Variants in NRG3 observed in about 807,000 individuals in gnomAD.
NRG3 encodes the protein pro-neuregulin-3, membrane-bound isoform.
A neutral mutation model predicts 66.9 loss-of-function variants in NRG3; 31 were observed. The observed-to-expected ratio is 0.46, with a 90% CI of 0.35 to 0.63. The LOEUF (loss-of-function observed/expected upper bound fraction) is 0.63, where lower values mean the gene tolerates loss of function less well. NRG3 is among the 20% of genes least tolerant of loss of function. The probability of loss-of-function intolerance (pLI) is 0.00; values close to 1 mark genes in which losing one functional copy is unlikely to be tolerated. For synonymous variants in NRG3, 393 were observed against 359.4 expected (o/e 1.09, Z -1.06); for missense variants, 910 against 878.9 (o/e 1.04, Z -0.45).
At chr10:82,344,514 C>A (rs1245726619) in intron 1 of NRG3, among the ~76,000 whole-genome samples, 1 of 146,652 alleles carries the variant, frequency 6.8e-6, no homozygotes, top group Non-Finnish European at 1.5e-5. Flanking sequence ...AATAATGCCG[C>A]AATAAACATA....
chr10:82,069,142 G>A (rs2064658433), intron 1 of NRG3, among the ~76,000 whole-genome samples: 1 of 152,176 alleles, frequency 6.6e-6, no homozygotes, highest in East Asian at 1.9e-4. Flanking sequence ...CACAGAGCAT[G>A]TCATTAAATA....
intron 2 of NRG3, among the ~76,000 whole-genome samples, chr10:82,502,834 C>A (rs981169575): frequency 6.6e-6 from 1 of 152,038 alleles, no homozygotes; most frequent in Admixed American, 6.6e-5. Context: ...ACTACTTTTC[C>A]CTAGGATTTC....
At chr10:82,329,147 G>T (rs7088954) in intron 1 of NRG3, among the ~76,000 whole-genome samples, 54,488 of 152,058 alleles carry the variant, frequency 0.36, 13,723 homozygotes, top group African/African-American at 0.7. Context: ...CTTTCCACTT[G>T]TACTGAGATA....
rs186437960 is a variant in NRG3 at position 81,956,569 on chromosome 10, C to T, written c.823+80406C>T. On this transcript the variant is annotated intron_variant, in intron 1 of 8. Transcript: ENST00000372141. Reference sequence around the variant, plus strand: ...CACACCCATATATCCTGTAACTGTACTTTCAAAATATAGCCTGCATGCTGA... The same window carrying T: ...CACACCCATATATCCTGTAACTGTATTTTCAAAATATAGCCTGCATGCTGA... 5.2e-3 allele frequency among the ~76,000 whole-genome samples: 796 copies of T among 152,276 alleles called. 8 individuals are homozygous for T. The highest frequency in any genetic ancestry group is 8.4e-3 in the Non-Finnish European group (568 of 68,006).
intron 2 of NRG3, among the ~76,000 whole-genome samples, chr10:82,620,602 G>C (rs776791248): frequency 1.3e-5 from 2 of 152,092 alleles, no homozygotes; most frequent in Non-Finnish European, 2.9e-5. Flanking sequence ...ACAGGATGTG[G>C]GGCAGAACAG....
At chr10:82,211,380 A>G (rs113508179) in intron 1 of NRG3, among the ~76,000 whole-genome samples, 3 of 152,274 alleles carry the variant, frequency 2.0e-5, no homozygotes, top group African/African-American at 7.2e-5. Context: ...CTGGGCAGGA[A>G]AATACAGGAA....
intron 2 of NRG3, among the ~76,000 whole-genome samples, chr10:82,555,749 C>T (rs2044607338): frequency 6.6e-6 from 1 of 152,176 alleles, no homozygotes; most frequent in African/African-American, 2.4e-5. Flanking sequence ...TCCCTTCTTT[C>T]TGTTGAAACA....
intron 1 of NRG3, among the ~76,000 whole-genome samples, chr10:82,358,080 A>G (rs999047560): frequency 1.3e-5 from 2 of 152,194 alleles, no homozygotes; most frequent in African/African-American, 4.8e-5. Context: ...CTTAATTTGA[A>G]AATGTAAGTA....
At chr10:82,895,098 A>G (rs1843523003) in intron 4 of NRG3, among the ~76,000 whole-genome samples, 1 of 152,176 alleles carries the variant, frequency 6.6e-6, no homozygotes, top group South Asian at 2.1e-4. Flanking sequence ...GCTGCATAGT[A>G]TTCCACGGTG....
chr10:82,203,272 G>T (rs1206684491), intron 1 of NRG3, among the ~76,000 whole-genome samples: 1 of 152,134 alleles, frequency 6.6e-6, no homozygotes, highest in Admixed American at 6.6e-5. Context: ...ATACTCATTG[G>T]AAATGAGTAT....
intron 1 of NRG3, among the ~76,000 whole-genome samples, chr10:82,055,584 A>G (rs2063807229): frequency 6.6e-6 from 1 of 152,116 alleles, no homozygotes; most frequent in Non-Finnish European, 1.5e-5. Context: ...AATTGGTGGT[A>G]ATTATTTAAT....
intron 1 of NRG3, among the ~76,000 whole-genome samples, chr10:82,295,916 C>CA (rs1554877173): frequency 1.3e-5 from 2 of 150,828 alleles, no homozygotes; most frequent in South Asian, 2.1e-4. Flanking sequence ...ACAAAAAAAA[C>CA]CCCTATTTTA....
intron 4 of NRG3, among the ~76,000 whole-genome samples, chr10:82,892,913 C>G (rs909035500): frequency 6.6e-6 from 1 of 151,846 alleles, no homozygotes. Flanking sequence ...ATATGTACCT[C>G]ATAACACCAC....
chr10:82,289,708 G>A (rs964104742), intron 1 of NRG3, among the ~76,000 whole-genome samples: 2 of 151,966 alleles, frequency 1.3e-5, no homozygotes, highest in Non-Finnish European at 2.9e-5. Context: ...TACATATGTG[G>A]GAATGCCAAA....
intron 2 of NRG3, among the ~76,000 whole-genome samples, chr10:82,372,156 C>A (rs998156909): frequency 2.0e-5 from 3 of 152,168 alleles, no homozygotes; most frequent in African/African-American, 7.2e-5. Context: ...ATTTGGAAGC[C>A]TACTCTTGCT....
intron 1 of NRG3, among the ~76,000 whole-genome samples, chr10:81,934,122 C>T (rs1319831849): frequency 6.6e-6 from 1 of 152,196 alleles, no homozygotes; most frequent in South Asian, 2.1e-4. Flanking sequence ...TTGCCTCTGA[C>T]AGTGCTTACA....
At chr10:82,103,503 C>G (rs1354647770) in intron 1 of NRG3, among the ~76,000 whole-genome samples, 1 of 152,102 alleles carries the variant, frequency 6.6e-6, no homozygotes, top group Non-Finnish European at 1.5e-5. Context: ...CTTTGTTACT[C>G]TATATTTGAC....
intron 1 of NRG3, among the ~76,000 whole-genome samples, chr10:82,125,227 G>A (rs1590202877): frequency 6.6e-6 from 1 of 152,004 alleles, no homozygotes. Flanking sequence ...CGTGTTGAAT[G>A]TTTTGTTGTG....
intron 1 of NRG3, among the ~76,000 whole-genome samples, chr10:82,197,227 G>T (rs2074497604): frequency 6.6e-6 from 1 of 152,136 alleles, no homozygotes; most frequent in Admixed American, 6.5e-5. Context: ...CACATAGCAA[G>T]TGAATGAATG....
Sources: gnomAD v4.1 joint callset for allele counts (sites outside exome capture counted in the v4.1 genomes callset) on GRCh38, gnomAD v4.1.1 for gene constraint, MANE v1.5 for transcripts, NCBI Gene and HGNC (gene_info 2026-07-23, HGNC 2026-07-21) for gene names.